The following KIRREL3 variants were observed in gnomAD, a reference collection of about 807,000 sequenced individuals.
KIRREL3 encodes the protein kin of IRRE-like protein 3.
KIRREL3 carries 36 observed loss-of-function variants against 89.7 expected under a neutral mutation model. The ratio of observed to expected loss-of-function variants is 0.40; its 90% CI spans 0.31 to 0.53. The LOEUF (loss-of-function observed/expected upper bound fraction) is 0.53, where lower values mean the gene tolerates loss of function less well. Among genes scored for constraint, KIRREL3 ranks in the 20% least tolerant of loss-of-function variants. The pLI is 0.49. For synonymous variants in KIRREL3, 445 were observed against 441.4 expected, an observed-to-expected ratio of 1.01 and a Z score of -0.10; for missense variants, 864 against 1,056.6, an observed-to-expected ratio of 0.82 and a Z score of 2.53.
intron 1 of KIRREL3, among the ~76,000 whole-genome samples, chr11:126,862,385 C>G (rs1944732686): frequency 6.6e-6 from 1 of 152,236 alleles, no homozygotes; most frequent in Non-Finnish European, 1.5e-5. Context: ...CCCAGCTTCA[C>G]TGACTCTTAC....
intron 1 of KIRREL3, among the ~76,000 whole-genome samples, chr11:126,857,783 G>GTGGGGGGGGGGGC (rs374376909): frequency 9.0e-5 from 1 of 11,060 alleles, no homozygotes. Context: ...TTCAGGCTGT[G>GTGGGGGGGGGGGC]GGGGTGGGGT....
chr11:126,944,113 C>T (rs1948544871), intron 1 of KIRREL3, among the ~76,000 whole-genome samples: 1 of 152,076 alleles, frequency 6.6e-6, no homozygotes. Flanking sequence ...AATAAATGGG[C>T]CTTGCTAGGT....
In KIRREL3 at chr11:126,528,636, G is replaced by T. The variant is rs529868051; in HGVS notation, c.134-1949C>A. On this transcript the variant is annotated intron_variant, in intron 2 of 16. Transcript: ENST00000525144. This position sits in a 1 kb window ranked among gnomAD's most constrained non-coding sequence, Gnocchi z 4.6. ...CATTTTAATCAGCTATGTATGGTAG[G>T]TTTTTTTTTTCCTCTCTGTCTCTTC... Among the ~76,000 whole-genome samples the T allele has an allele frequency of 7.9e-4, 118 of 149,698 alleles. No individual in the cohort carries two copies. Among genetic ancestry groups the T allele is most frequent in the African/African-American group, 2.8e-3 (116 of 40,792 alleles).
At chr11:126,973,990 A>T (rs1336112673) in intron 1 of KIRREL3, among the ~76,000 whole-genome samples, 3 of 152,082 alleles carry the variant, frequency 2.0e-5, no homozygotes, top group Non-Finnish European at 2.9e-5. Flanking sequence ...ACTAGGGCTC[A>T]TGTTTTCTTT....
chr11:126,713,910 C>T (rs538546651), intron 1 of KIRREL3, among the ~76,000 whole-genome samples: 227 of 152,246 alleles, frequency 1.5e-3, no homozygotes, highest in Non-Finnish European at 2.5e-3. Context: ...ACCTAAAAGA[C>T]CAGTCTGGCT....
At chr11:126,899,802 G>A (rs1014108703) in intron 1 of KIRREL3, among the ~76,000 whole-genome samples, 8 of 152,216 alleles carry the variant, frequency 5.3e-5, no homozygotes, top group African/African-American at 1.9e-4. Context: ...GGTACACCAT[G>A]TAGTTTACAA....
chr11:126,431,576 T>G lies in KIRREL3; in HGVS notation c.1589-50A>C. 1 of 1,554,868 alleles carries G rather than the reference T, an allele frequency of 6.4e-7. No individual in the cohort carries two copies. The highest frequency in any genetic ancestry group is 8.8e-7 in the Non-Finnish European group (1 of 1,133,786). ...TGATGACGGATGGGGAATGGCCTAC[T>G]ATCCCCCCATGATCTCACCCCGTTC... On this transcript the variant is annotated intron_variant, in intron 13 of 16. Coordinates refer to ENST00000525144, the MANE Select transcript of KIRREL3 (RefSeq NM_032531.4). The surrounding 1 kb of genome is among the most constrained non-coding windows in gnomAD (Gnocchi z 7.1).
At chr11:126,819,876 C>A (rs10736556) in intron 1 of KIRREL3, among the ~76,000 whole-genome samples, 1 of 152,032 alleles carries the variant, frequency 6.6e-6, no homozygotes, top group African/African-American at 2.4e-5. Context: ...ACTCTCCCGA[C>A]GCACCCCAAA....
Position 126,943,257 on chromosome 11 carries a change from TTC to T in KIRREL3, c.55+57196_55+57197del, listed in dbSNP as rs1451418774. 6.6e-6 allele frequency among the ~76,000 whole-genome samples: 1 copy of T among 152,170 alleles called. No homozygotes were observed. The highest frequency in any genetic ancestry group is 1.5e-5 in the Non-Finnish European group (1 of 68,036). ...ATGGTAAAACATTCACCGTCATTCT[TTC>T]TCTCTTCTCACTCACTCAATTACAG... is the stretch of plus-strand genomic sequence containing the variant. On this transcript the variant is annotated intron_variant, in intron 1 of 16. Transcript: ENST00000525144. This position sits in a 1 kb window ranked among gnomAD's most constrained non-coding sequence, Gnocchi z 4.2.
Position 126,562,982 on chromosome 11 carries a change from A to AG in KIRREL3, c.56-71dup, listed in dbSNP as rs570366280. 27 of 1,149,094 alleles carry AG rather than the reference A, an allele frequency of 2.3e-5. No individual in the cohort carries two copies. Among genetic ancestry groups the AG allele is most frequent in the South Asian group, 4.0e-5 (3 of 75,706 alleles). 71.2% of individuals were successfully genotyped at this position (1,149,094 alleles called of 1,614,324 possible). Reference sequence around the variant, plus strand: ...CAGGCATTGTTGGGGGGCCCTCTGCAGGGGGCTGTGGAGCTTGTTGCTCTT... The same window carrying AG: ...CAGGCATTGTTGGGGGGCCCTCTGCAGGGGGGCTGTGGAGCTTGTTGCTCTT... On this transcript the variant is annotated intron_variant, in intron 1 of 16. Transcript: ENST00000525144. This position sits in a 1 kb window ranked among gnomAD's most constrained non-coding sequence, Gnocchi z 4.7.
rs1369884228 is a variant in KIRREL3 at position 126,455,748 on chromosome 11, G to A, written c.848+601C>T. 6.6e-6 allele frequency among the ~76,000 whole-genome samples: 1 copy of A among 152,158 alleles called. No individual in the cohort carries two copies. Among genetic ancestry groups the A allele is most frequent in the Non-Finnish European group, 1.5e-5 (1 of 68,038 alleles). On this transcript the variant is annotated intron_variant, in intron 7 of 16. Transcript: ENST00000525144. The surrounding 1 kb of genome is among the most constrained non-coding windows in gnomAD (Gnocchi z 6.4). ...GAGGCAGAGCTTGCCAGTGAGCTGA[G>A]ATCACGCCACTGCACTCCAGCCTGG...
At chr11:126,434,847 G>A (rs1955257530) in intron 13 of KIRREL3, among the ~76,000 whole-genome samples, 1 of 152,120 alleles carries the variant, frequency 6.6e-6, no homozygotes. Flanking sequence ...GGCCCCCGGT[G>A]TCCTGGGAAG....
intron 1 of KIRREL3, among the ~76,000 whole-genome samples, chr11:126,730,505 G>A (rs1022949959): frequency 6.6e-6 from 1 of 152,172 alleles, no homozygotes; most frequent in South Asian, 2.1e-4. Flanking sequence ...TTAGACTGGT[G>A]GTTCTCCACC....
rs936401325 is a variant in KIRREL3, at chr11:126,996,656, C to G, written c.55+3799G>C. 6.6e-6 allele frequency among the ~76,000 whole-genome samples: 1 copy of G among 152,158 alleles called. No homozygotes were observed. The highest frequency in any genetic ancestry group is 6.5e-5 in the Admixed American group (1 of 15,276). Reference sequence around the variant, plus strand: ...GATTCAGATCACCATGACCCTCTGCCCTCTGACAGCTGCTGACAGCCCCTT... The same window carrying G: ...GATTCAGATCACCATGACCCTCTGCGCTCTGACAGCTGCTGACAGCCCCTT... On this transcript the variant is annotated intron_variant, in intron 1 of 16. Transcript: ENST00000525144. The surrounding 1 kb of genome is among the most constrained non-coding windows in gnomAD (Gnocchi z 4.7).
At chr11:126,678,128 A>G (rs971845801) in intron 1 of KIRREL3, among the ~76,000 whole-genome samples, 4 of 152,230 alleles carry the variant, frequency 2.6e-5, no homozygotes, top group African/African-American at 9.6e-5. Context: ...GGCAGCTTTC[A>G]CTAGTGAAGC....
At chr11:126,480,736 A>G (rs1832345935) in intron 4 of KIRREL3, among the ~76,000 whole-genome samples, 1 of 152,130 alleles carries the variant, frequency 6.6e-6, no homozygotes, top group Non-Finnish European at 1.5e-5. Flanking sequence ...TGAATTTCAG[A>G]GGGCCCCAGG....
intron 1 of KIRREL3, among the ~76,000 whole-genome samples, chr11:126,691,394 G>T (rs773264317): frequency 6.6e-6 from 1 of 152,166 alleles, no homozygotes; most frequent in African/African-American, 2.4e-5. Flanking sequence ...AATGTTCTCT[G>T]ACAGGAGACT....
chr11:126,570,260 A>G lies in KIRREL3; in HGVS notation c.56-7348T>C, dbSNP rs958436243. Among the ~76,000 whole-genome samples, 7 of 152,126 alleles carry G rather than the reference A, an allele frequency of 4.6e-5. No individual in the cohort carries two copies. The highest frequency in any genetic ancestry group is 8.8e-5 in the Non-Finnish European group (6 of 68,038). On this transcript the variant is annotated intron_variant, in intron 1 of 16. Coordinates refer to ENST00000525144, the MANE Select transcript of KIRREL3 (RefSeq NM_032531.4). This position sits in a 1 kb window ranked among gnomAD's most constrained non-coding sequence, Gnocchi z 6.1. The stretch of plus-strand genomic sequence containing the variant: ...TAATTGCTTCTTCATTGCTTATTTC[A>G]TATGAGTTAATTATACTAGAACTAA...
chr11:126,798,871 A>T (rs1031487706), intron 1 of KIRREL3, among the ~76,000 whole-genome samples: 2 of 152,184 alleles, frequency 1.3e-5, no homozygotes, highest in Non-Finnish European at 2.9e-5. Context: ...TGGCTCTGTG[A>T]TTTTAATCAT....
Sources: allele counts gnomAD v4.1 joint callset (sites outside exome capture counted in the v4.1 genomes callset), GRCh38; gene constraint gnomAD v4.1.1; non-coding constraint Gnocchi (gnomAD v3.1); transcripts MANE v1.5; gene names NCBI Gene and HGNC (gene_info 2026-07-23, HGNC 2026-07-21).